The following PDE6B variants were observed in gnomAD, a reference collection of about 807,000 sequenced individuals.
The protein encoded by PDE6B is phosphodiesterase 6B.
A neutral mutation model predicts 109.0 loss-of-function variants in PDE6B; 106 were observed. The ratio of observed to expected loss-of-function variants is 0.97; its 90% CI spans 0.83 to 1.14. The LOEUF (loss-of-function observed/expected upper bound fraction) is 1.14. Among genes scored for constraint, PDE6B ranks in the 50% most tolerant of loss-of-function variants. The probability of loss-of-function intolerance (pLI) is 0.00; values close to 1 mark genes in which losing one functional copy is unlikely to be tolerated. For missense variants in PDE6B, 1,193 were observed against 1,155.6 expected (o/e 1.03, Z -0.47); for synonymous variants, 490 against 471.3 (o/e 1.04, Z -0.51).
intron 3 of PDE6B, among the ~76,000 whole-genome samples, chr4:642,688 C>T (rs934276891): frequency 5.7e-5 from 8 of 141,088 alleles, no homozygotes; most frequent in Admixed American, 2.2e-4. Flanking sequence ...CCCAGCAACT[C>T]GCCACTGCAC....
chr4:634,051 C>T (rs34568772), intron 1 of PDE6B, among the ~76,000 whole-genome samples: 4,429 of 151,944 alleles, frequency 0.029, 65 homozygotes, highest in Middle Eastern at 0.041. Flanking sequence ...GTTCTCATCA[C>T]GGTGGGCCCC....
chr4:670,170 C>G lies in PDE6B; in HGVS notation c.*63C>G. Reference sequence around the variant, plus strand: ...TTCACCCACTAGGATTTGGGTTCTGCCTGTGGCTATTTGCTACAAGAGGTT... The same window carrying G: ...TTCACCCACTAGGATTTGGGTTCTGGCTGTGGCTATTTGCTACAAGAGGTT... On this transcript the variant is annotated 3_prime_UTR_variant, in exon 22 of 22. Transcript: ENST00000496514. The G allele has an allele frequency of 5.0e-6, 8 of 1,610,832 alleles. No individual in the cohort carries two copies. The highest frequency in any genetic ancestry group is 6.8e-6 in the Non-Finnish European group (8 of 1,178,138).
In PDE6B at chr4:653,611, G is replaced by A. The variant is rs527933217; in HGVS notation, c.712-241G>A. ...ACTTTCCACTCGTCCACTCCTGAGT[G>A]ATCAGGGACACGACCGCAGCCTCGA... On this transcript the variant is annotated intron_variant, in intron 3 of 21. Coordinates refer to ENST00000496514, the MANE Select transcript of PDE6B (RefSeq NM_000283.4). The A allele has an allele frequency of 1.2e-5, 7 of 606,400 alleles. No homozygotes were observed. In the South Asian group the frequency reaches 1.3e-4, roughly 12 times the overall value. The allele number at this position is 606,400 out of a possible 1,614,324, so 37.6% of individuals were successfully genotyped here.
chr4:631,212 G>A (rs1386580187), intron 1 of PDE6B, among the ~76,000 whole-genome samples: 1 of 152,254 alleles, frequency 6.6e-6, no homozygotes, highest in Admixed American at 6.5e-5. Context: ...GGAAGGCTCT[G>A]TGGCTGTTCC....
chr4:639,863 C>T (rs933067140), intron 3 of PDE6B, among the ~76,000 whole-genome samples: 6 of 152,044 alleles, frequency 3.9e-5, no homozygotes, highest in African/African-American at 9.7e-5. Flanking sequence ...CCCAGCTACT[C>T]GGGAGGCTGA....
intron 1 of PDE6B, among the ~76,000 whole-genome samples, chr4:631,074 G>A (rs528412992): frequency 5.8e-4 from 89 of 152,332 alleles, no homozygotes; most frequent in African/African-American, 1.9e-3. Flanking sequence ...GCAGACGAAC[G>A]GGCTGAGAGA....
intron 3 of PDE6B, among the ~76,000 whole-genome samples, chr4:651,310 C>T (rs552652708): frequency 6.6e-5 from 10 of 151,390 alleles, no homozygotes; most frequent in East Asian, 1.9e-4. Context: ...GGGGCTGACC[C>T]GTGGGGTCAG....
chr4:660,421 G>T, intron 11 of PDE6B, 46 bp from the exon 12 acceptor site: 1 of 1,600,644 alleles, frequency 6.2e-7, no homozygotes, highest in South Asian at 1.1e-5. Context: ...AAGCAAGTGG[G>T]GGCTGTGGCA....
chr4:641,116 T>A (rs890273918), intron 3 of PDE6B, among the ~76,000 whole-genome samples: 1 of 152,210 alleles, frequency 6.6e-6, no homozygotes, highest in Non-Finnish European at 1.5e-5. Context: ...AATCTGTAGA[T>A]CAAGTTGGGA....
At chr4:651,050 A>G (rs1193711565) in intron 3 of PDE6B, among the ~76,000 whole-genome samples, 11 of 146,606 alleles carry the variant, frequency 7.5e-5, no homozygotes, top group South Asian at 6.8e-4. Flanking sequence ...CACAGGCAGG[A>G]CGGGCTGAGG....
intron 11 of PDE6B, among the ~76,000 whole-genome samples, 161 bp downstream of exon 11, chr4:659,178 C>G (rs756812974): frequency 1.3e-5 from 2 of 152,192 alleles, no homozygotes; most frequent in Non-Finnish European, 2.9e-5. Flanking sequence ...CCTTAGTGTA[C>G]GTGTGTGTAC....
intron 12 of PDE6B, chr4:661,581 A>G (rs1379610321): frequency 1.3e-5 from 2 of 155,010 alleles, no homozygotes; most frequent in Admixed American, 1.3e-4. Context: ...ATACTAAGGG[A>G]AAACACTCAA....
intron 12 of PDE6B, chr4:661,383 C>A (rs1225218037): frequency 6.6e-6 from 1 of 152,502 alleles, no homozygotes; most frequent in African/African-American, 2.4e-5. Flanking sequence ...CTCGGAGACC[C>A]CCTGGGGAGG....
intron 11 of PDE6B, among the ~76,000 whole-genome samples, chr4:660,159 C>CGT (rs890514219): frequency 5.0e-4 from 76 of 151,730 alleles, no homozygotes; most frequent in Non-Finnish European, 8.1e-4. Context: ...TGTCTGTATC[C>CGT]GTGTGTGTGT....
At chr4:654,648 C>T (rs749810601) in intron 5 of PDE6B, 176 bp from the exon 6 acceptor site, 121 of 701,298 alleles carry the variant, frequency 1.7e-4, no homozygotes, top group Non-Finnish European at 2.8e-4. Context: ...CACCCGCATT[C>T]GTAGAATACC....
rs559915917 is a variant in PDE6B, at chr4:658,040, C to T, written c.1401+546C>T. Among the ~76,000 whole-genome samples the T allele has an allele frequency of 1.2e-4, 13 of 111,058 alleles. 1 individual carries two copies. The highest frequency in any genetic ancestry group is 3.1e-4 in the Admixed American group (3 of 9,780). The allele number at this position is 111,058 out of a possible 152,430, so 72.9% of individuals were successfully genotyped here. ...GTGGGGGCAGGTCATCCAGGGGTCA[C>T]GGCTGTGTGGTGGGGGCAGGTCGTC... is the stretch of plus-strand genomic sequence containing the variant. On this transcript the variant is annotated intron_variant, in intron 10 of 21. Transcript: ENST00000496514.
intron 3 of PDE6B, among the ~76,000 whole-genome samples, chr4:647,399 C>T (rs1482352637): frequency 1.3e-5 from 2 of 151,998 alleles, no homozygotes; most frequent in East Asian, 3.8e-4. Flanking sequence ...AGGGTGACAG[C>T]AGCTTCCGCG....
At chr4:656,390 A>T (rs1736246978) in intron 8 of PDE6B, 98 bp downstream of exon 8, 1 of 869,338 alleles carries the variant, frequency 1.2e-6, no homozygotes, top group African/African-American at 1.6e-5. Context: ...CACTTAAAAA[A>T]CAACTTCAGC....
intron 3 of PDE6B, among the ~76,000 whole-genome samples, chr4:643,799 A>C (rs924196421): frequency 3.3e-5 from 5 of 149,302 alleles, no homozygotes; most frequent in Non-Finnish European, 7.4e-5. Context: ...GTTGATTTAG[A>C]TCTTTCTTCT....
Sources: allele counts gnomAD v4.1 joint callset (sites outside exome capture counted in the v4.1 genomes callset), GRCh38; gene constraint gnomAD v4.1.1; transcripts MANE v1.5; gene names NCBI Gene and HGNC (gene_info 2026-07-23, HGNC 2026-07-21).